Variants in SAP130 observed in about 807,000 individuals in gnomAD.
SAP130 encodes the protein Sin3A associated protein 130.
SAP130 carries 16 observed loss-of-function variants against 103.2 expected under a neutral mutation model. That is an observed-to-expected ratio of 0.16 (90% confidence interval 0.10 to 0.24). The LOEUF is 0.24. SAP130 is among the 10% of genes least tolerant of loss of function. SAP130 has a pLI of 1.00. For synonymous variants in SAP130, 477 were observed against 497.0 expected (o/e 0.96, Z 0.53); for missense variants, 990 against 1,359.7 (o/e 0.73, Z 4.28).
intron 15 of SAP130, among the ~76,000 whole-genome samples, chr2:127,960,763 A>C (rs1680186135): frequency 6.6e-6 from 1 of 152,138 alleles, no homozygotes; most frequent in South Asian, 2.1e-4. Context: ...TACTGACTCT[A>C]AGATGGCAAC....
chr2:127,959,155 C>T (rs1164320108), intron 15 of SAP130, among the ~76,000 whole-genome samples: 1 of 152,104 alleles, frequency 6.6e-6, no homozygotes, highest in Non-Finnish European at 1.5e-5. Flanking sequence ...TTGTCTAGGA[C>T]CTCGGGACCC....
chr2:127,942,994 T>A lies in SAP130; in HGVS notation c.2902-457A>T, dbSNP rs1192264619. ...CAAGAGCGAAATTCCATCTAAAAAA[T>A]AAATAAATAAATAAATAAATAAAAT... On this transcript the variant is annotated intron_variant, in intron 19 of 20. Transcript: ENST00000643581. This position sits in a 1 kb window ranked among gnomAD's most constrained non-coding sequence, Gnocchi z 4.8. 6.0e-5 allele frequency among the ~76,000 whole-genome samples: 9 copies of A among 148,852 alleles called. No homozygotes were observed. The highest frequency in any genetic ancestry group is 1.4e-4 in the Non-Finnish European group (9 of 66,030).
intron 12 of SAP130, among the ~76,000 whole-genome samples, chr2:127,991,579 T>A (rs1559075505): frequency 6.6e-6 from 1 of 152,078 alleles, no homozygotes; most frequent in Non-Finnish European, 1.5e-5. Context: ...GCGACCTTCC[T>A]CCTCAGCCTC....
At chr2:128,017,959 A>G in intron 2 of SAP130, 44 bp from the exon 3 acceptor site, 16 of 1,481,132 alleles carry the variant, frequency 1.1e-5, no homozygotes, top group Non-Finnish European at 1.5e-5. Context: ...ACAGTCTCCC[A>G]GTGTAAGATA....
intron 16 of SAP130, among the ~76,000 whole-genome samples, chr2:127,950,987 G>A (rs952392862): frequency 1.3e-5 from 2 of 152,202 alleles, no homozygotes; most frequent in Non-Finnish European, 2.9e-5. Flanking sequence ...TATGAGTTAA[G>A]CTACTATTTT....
intron 14 of SAP130, 112 bp from the exon 15 acceptor site, chr2:127,978,201 T>TCTG: frequency 1.4e-6 from 1 of 721,446 alleles, no homozygotes; most frequent in Admixed American, 2.4e-5. Flanking sequence ...AAGCCCTACA[T>TCTG]TGACTAAGTA....
chr2:128,013,578 G>T (rs1292882306), intron 5 of SAP130, among the ~76,000 whole-genome samples: 1 of 152,158 alleles, frequency 6.6e-6, no homozygotes, highest in African/African-American at 2.4e-5. Flanking sequence ...TCACCCTGCA[G>T]ACCCCCATAA....
At position 127,993,269 on chromosome 2, in the gene SAP130, A is replaced by G. The variant is rs767865337; in HGVS notation, c.1395T>C (p.Thr465=). 9.3e-6 allele frequency: 15 copies of G among 1,613,884 alleles called. No individual in the cohort carries two copies. Among genetic ancestry groups the G allele is most frequent in the African/African-American group, 1.3e-5 (1 of 74,900 alleles). ...VPVQFQYFLP[T]YPPSAYPLAA... ...CCAGTGGGTATGCAGAAGGGGGGTAAGTTGGCAAAAAATATTGGAACTGAA... is the reference window on the plus strand; with the variant it reads ...CCAGTGGGTATGCAGAAGGGGGGTAGGTTGGCAAAAAATATTGGAACTGAA... Residue 465 remains threonine (T), a synonymous_variant, in exon 12 of 21, where the codon ACT becomes ACC. Transcript: ENST00000643581.
At chr2:127,975,952 C>T (rs1369520261) in intron 15 of SAP130, among the ~76,000 whole-genome samples, 2 of 152,170 alleles carry the variant, frequency 1.3e-5, no homozygotes, top group East Asian at 3.9e-4. Context: ...TCACGCCATT[C>T]TCCTGCCTCA....
intron 15 of SAP130, among the ~76,000 whole-genome samples, chr2:127,965,328 C>A (rs1382996453): frequency 1.3e-5 from 2 of 151,930 alleles, no homozygotes; most frequent in African/African-American, 4.8e-5. Context: ...AAAACCCAGA[C>A]TAACACTAAC....
intron 15 of SAP130, among the ~76,000 whole-genome samples, chr2:127,959,639 A>G (rs183284204): frequency 5.3e-5 from 8 of 152,328 alleles, no homozygotes; most frequent in Non-Finnish European, 1.0e-4. Flanking sequence ...TAACACTTAA[A>G]ATGTCCAGTT....
chr2:127,974,807 C>G (rs1322067965), intron 15 of SAP130, among the ~76,000 whole-genome samples: 1 of 152,138 alleles, frequency 6.6e-6, no homozygotes, highest in Non-Finnish European at 1.5e-5. Flanking sequence ...GAGTGAAACT[C>G]TGTCTCAAAA....
chr2:127,964,689 T>C (rs1680514930), intron 15 of SAP130, among the ~76,000 whole-genome samples: 1 of 151,498 alleles, frequency 6.6e-6, no homozygotes, highest in Admixed American at 6.6e-5. Context: ...AAACAGAAAC[T>C]AATAACTTAG....
chr2:127,999,857 GA>G lies in SAP130; in HGVS notation c.1109-13del. 6.6e-7 allele frequency: 1 copy of G among 1,515,306 alleles called. No individual in the cohort carries two copies. The highest frequency in any genetic ancestry group is 8.9e-7 in the Non-Finnish European group (1 of 1,129,418). The allele number at this position is 1,515,306 out of a possible 1,614,324, so 93.9% of individuals were successfully genotyped here. On this transcript the variant is annotated splice_polypyrimidine_tract_variant and intron_variant, in intron 9 of 20. Transcript: ENST00000643581. ...GTGTGACACAGATCCTGAAATAGGGGAAAAAAGGAAATTCTTTAACAAGAAC... is the reference window on the plus strand; with the variant it reads ...GTGTGACACAGATCCTGAAATAGGGGAAAAAGGAAATTCTTTAACAAGAAC...
At chr2:127,976,697 G>A (rs1302813241) in intron 15 of SAP130, among the ~76,000 whole-genome samples, 3 of 152,330 alleles carry the variant, frequency 2.0e-5, no homozygotes, top group Non-Finnish European at 4.4e-5. Context: ...GGTTCACGAG[G>A]TCAAGTGATA....
chr2:128,006,922 T>C (rs1684021736), intron 7 of SAP130, among the ~76,000 whole-genome samples: 1 of 152,250 alleles, frequency 6.6e-6, no homozygotes, highest in African/African-American at 2.4e-5. Context: ...TAGGAATTTA[T>C]TGTAGTTGTA....
At chr2:128,019,638 C>A (rs988687639) in intron 2 of SAP130, among the ~76,000 whole-genome samples, 15 of 152,092 alleles carry the variant, frequency 9.9e-5, no homozygotes, top group African/African-American at 3.6e-4. Flanking sequence ...GTAATCCCAG[C>A]ACTTTGGGAG....
chr2:127,947,754 T>TTGTGTG (rs1491251653), intron 18 of SAP130, among the ~76,000 whole-genome samples: 1 of 28,640 alleles, frequency 3.5e-5, no homozygotes, highest in South Asian at 9.5e-4. Context: ...TAATTTTGTA[T>TTGTGTG]TGTGTGTGTC....
chr2:127,966,434 G>A (rs1279428546), intron 15 of SAP130, among the ~76,000 whole-genome samples: 1 of 150,354 alleles, frequency 6.7e-6, no homozygotes, highest in Non-Finnish European at 1.5e-5. Context: ...CGGGTGTGAT[G>A]GCTCACACCT....
Sources: allele counts gnomAD v4.1 joint callset (sites outside exome capture counted in the v4.1 genomes callset), GRCh38; gene constraint gnomAD v4.1.1; non-coding constraint Gnocchi (gnomAD v3.1); transcripts MANE v1.5; gene names NCBI Gene and HGNC (gene_info 2026-07-23, HGNC 2026-07-21).